APMAP: variants seen among roughly 807,000 people sequenced by gnomAD.
APMAP encodes the protein adipocyte plasma membrane associated protein.
APMAP carries 33 observed loss-of-function variants against 43.6 expected under a neutral mutation model. The ratio of observed to expected loss-of-function variants is 0.76; its 90% CI spans 0.57 to 1.01. APMAP has a LOEUF of 1.01. Among genes scored for constraint, APMAP ranks in the 50% least tolerant of loss-of-function variants. APMAP has a pLI of 0.00. For synonymous variants in APMAP, 224 were observed against 216.7 expected (o/e 1.03, Z -0.30); for missense variants, 498 against 540.7 (o/e 0.92, Z 0.78).
Position 24,978,748 on chromosome 20 carries a change from CACCCAAGCTTAGACTTA to C in APMAP, c.328+2_328+18del. 5.3e-6 allele frequency: 7 copies of C among 1,325,738 alleles called. No homozygotes were observed. Among genetic ancestry groups the C allele is most frequent in the South Asian group, 2.4e-5 (2 of 84,102 alleles). 82.1% of individuals were successfully genotyped at this position (1,325,738 alleles called of 1,614,324 possible). A position where few individuals can be genotyped will look rare whatever the true frequency, so the allele number is the denominator to read the frequency against. ...CAGACAGCCTGGAAGGCTCCCCCCC[CACCCAAGCTTAGACTTA>C]CCCCCAATATGTGCTATGGACTCCG... On this transcript the variant is annotated splice_donor_variant and splice_donor_5th_base_variant and intron_variant, in intron 3 of 8. Transcript: ENST00000217456. LOFTEE classifies it high-confidence loss of function.
chr20:24,969,220 A>G, intron 7 of APMAP, 136 bp from the exon 8 acceptor site: 1 of 993,668 alleles, frequency 1.0e-6, no homozygotes, highest in South Asian at 1.8e-5. Flanking sequence ...ACAAAGGCTC[A>G]GCTGCTGAGA....
At chr20:24,966,397 A>G (rs929799101) in intron 8 of APMAP, among the ~76,000 whole-genome samples, 1 of 152,196 alleles carries the variant, frequency 6.6e-6, no homozygotes, top group Non-Finnish European at 1.5e-5. Flanking sequence ...GTAATTAGAC[A>G]TGAAAGAACC....
At position 24,963,698 on chromosome 20, in the gene APMAP, C is replaced by A; in HGVS notation, c.*115G>T. 1.9e-6 allele frequency: 2 copies of A among 1,079,494 alleles called. No homozygotes were observed. Among genetic ancestry groups the A allele is most frequent in the South Asian group, 3.0e-5 (2 of 67,554 alleles). The allele number at this position is 1,079,494 out of a possible 1,614,324, so 66.9% of individuals were successfully genotyped here. A position where few individuals can be genotyped will look rare whatever the true frequency, so the allele number is the denominator to read the frequency against. ...ATTCCCACCACCTCTCAGGGACTAA[C>A]AGGTGCATGTGGACACTTGAACCAC... On this transcript the variant is annotated 3_prime_UTR_variant, in exon 9 of 9. Coordinates refer to ENST00000217456, the MANE Select transcript of APMAP (RefSeq NM_020531.3).
chr20:24,964,322 C>A, intron 8 of APMAP: 1 of 573,228 alleles, frequency 1.7e-6, no homozygotes. Context: ...AGACATATCA[C>A]ATCCGACGTG....
chr20:24,969,382 C>A, intron 7 of APMAP, 144 bp downstream of exon 7: 1 of 1,331,168 alleles, frequency 7.5e-7, no homozygotes, highest in East Asian at 2.4e-5. Context: ...AGAAAGAAAG[C>A]GCACCCTTGA....
chr20:24,978,191 T>A (rs1459312681), intron 3 of APMAP, among the ~76,000 whole-genome samples: 1 of 152,250 alleles, frequency 6.6e-6, no homozygotes. Context: ...TTAATTCTCA[T>A]TTTAACAAAC....
At chr20:24,981,438 C>T (rs1345214025) in intron 2 of APMAP, among the ~76,000 whole-genome samples, 1 of 152,194 alleles carries the variant, frequency 6.6e-6, no homozygotes, top group African/African-American at 2.4e-5. Context: ...TTTTCCTAAG[C>T]ACTTCTGAGA....
chr20:24,990,910 C>T (rs1018823441), intron 1 of APMAP, among the ~76,000 whole-genome samples: 1 of 152,168 alleles, frequency 6.6e-6, no homozygotes, highest in Non-Finnish European at 1.5e-5. Context: ...CACAGGGAAA[C>T]AGGAACAATG....
intron 5 of APMAP, 97 bp downstream of exon 5, chr20:24,971,363 T>G: frequency 2.8e-6 from 3 of 1,083,774 alleles, no homozygotes; most frequent in Non-Finnish European, 4.0e-6. Flanking sequence ...GAGTCTTTAG[T>G]AGACTGTTGC....
intron 3 of APMAP, 88 bp from the exon 4 acceptor site, chr20:24,973,825 A>C: frequency 8.8e-7 from 1 of 1,133,786 alleles, no homozygotes; most frequent in Admixed American, 1.9e-5. Context: ...GCTTGTTTAC[A>C]TGTTCCCCCT....
At chr20:24,967,448 T>C (rs186819933) in intron 8 of APMAP, among the ~76,000 whole-genome samples, 2 of 152,124 alleles carry the variant, frequency 1.3e-5, no homozygotes, top group Non-Finnish European at 2.9e-5. Context: ...TGCAGCCCCC[T>C]CCCTAACTGT....
chr20:24,987,683 G>A (rs924874292), intron 1 of APMAP, among the ~76,000 whole-genome samples: 17 of 152,010 alleles, frequency 1.1e-4, no homozygotes, highest in African/African-American at 3.9e-4. Context: ...AACTTGGATT[G>A]CGGTAATTAC....
rs553194798 is a variant in APMAP at position 24,963,986 on chromosome 20, G to A, written c.1078C>T (p.Arg360Trp). 2.0e-5 allele frequency: 32 copies of A among 1,614,210 alleles called. No individual in the cohort carries two copies. Among genetic ancestry groups the A allele is most frequent in the East Asian group, 2.2e-5 (1 of 44,888 alleles). ...CTGAGTTCTAGGACGAGGCTGTACC[G>A]CGGCACAAACTTCATCACCGTCTCT... ...SQETVMKFVP[R>W]YSLVLELSDS... The change falls in exon 9 of 9, where the codon CGG becomes TGG. Residue 360 changes from arginine to tryptophan, a missense_variant. By Grantham distance (101) the Arg-to-Trp change is moderately radical (BLOSUM62 -3). Coordinates refer to ENST00000217456, the MANE Select transcript of APMAP (RefSeq NM_020531.3).
At chr20:24,970,142 G>GC in intron 6 of APMAP, 55 bp downstream of exon 6, 1 of 1,595,288 alleles carries the variant, frequency 6.3e-7, no homozygotes, top group Non-Finnish European at 8.6e-7. Context: ...CTCTGCTGAA[G>GC]CAACTGGCCT....
intron 8 of APMAP, among the ~76,000 whole-genome samples, chr20:24,967,421 C>A (rs2087954662): frequency 6.6e-6 from 1 of 152,256 alleles, no homozygotes; most frequent in African/African-American, 2.4e-5. Flanking sequence ...CAGGAAGACT[C>A]CATGTTCCCT....
chr20:24,991,594 A>C (rs1484703509), intron 1 of APMAP, among the ~76,000 whole-genome samples: 1 of 152,176 alleles, frequency 6.6e-6, no homozygotes, highest in East Asian at 1.9e-4. Flanking sequence ...CTCAGTCTAC[A>C]GGGGCAAAAA....
At chr20:24,967,617 T>C (rs1475765969) in intron 8 of APMAP, among the ~76,000 whole-genome samples, 1 of 152,250 alleles carries the variant, frequency 6.6e-6, no homozygotes, top group Non-Finnish European at 1.5e-5. Flanking sequence ...CCACTCATAC[T>C]ACCCTACGCT....
chr20:24,987,315 C>T (rs966042666), intron 1 of APMAP, among the ~76,000 whole-genome samples: 3 of 152,178 alleles, frequency 2.0e-5, no homozygotes, highest in Admixed American at 2.0e-4. Context: ...GTAGAGAAAA[C>T]ATCTTGCTAC....
chr20:24,983,444 A>G (rs1485104505), intron 2 of APMAP, among the ~76,000 whole-genome samples: 1 of 152,226 alleles, frequency 6.6e-6, no homozygotes, highest in Non-Finnish European at 1.5e-5. Flanking sequence ...CTTTACATAT[A>G]CAATAGTTTT....
Sources: gnomAD v4.1 joint callset for allele counts (sites outside exome capture counted in the v4.1 genomes callset) on GRCh38, gnomAD v4.1.1 for gene constraint, MANE v1.5 for transcripts, NCBI Gene and HGNC (gene_info 2026-07-23, HGNC 2026-07-21) for gene names.